Variants in AFF3 observed in about 807,000 individuals in gnomAD.
AFF3 encodes ALF transcription elongation factor 3.
AFF3 carries 32 observed loss-of-function variants against 129.7 expected under a neutral mutation model. The ratio of observed to expected loss-of-function variants is 0.25; its 90% CI spans 0.19 to 0.33. The LOEUF is 0.33. Among genes scored for constraint, AFF3 ranks in the 10% least tolerant of loss-of-function variants. The probability of loss-of-function intolerance (pLI) is 1.00; values close to 1 mark genes in which losing one functional copy is unlikely to be tolerated. For synonymous variants in AFF3, 644 were observed against 635.4 expected (o/e 1.01, Z -0.20); for missense variants, 1,373 against 1,592.0 (o/e 0.86, Z 2.34).
chr2:99,575,979 G>T (rs1485707480), intron 18 of AFF3, among the ~76,000 whole-genome samples: 1 of 152,112 alleles, frequency 6.6e-6, no homozygotes, highest in Non-Finnish European at 1.5e-5. Flanking sequence ...GGAGGCTGGG[G>T]TGGGAGGGTT....
chr2:100,118,458 C>G (rs1691813393), intron 2 of AFF3, among the ~76,000 whole-genome samples: 1 of 152,102 alleles, frequency 6.6e-6, no homozygotes, highest in Admixed American at 6.5e-5. Context: ...GGTTATAGCT[C>G]CATTGTTGAT....
intron 4 of AFF3, among the ~76,000 whole-genome samples, chr2:100,041,562 T>C (rs1022256600): frequency 2.0e-5 from 3 of 152,118 alleles, no homozygotes; most frequent in Admixed American, 1.3e-4. Flanking sequence ...TTCCTAGTCA[T>C]TAAATCCAGG....
chr2:99,645,116 C>G (rs888940279), intron 13 of AFF3, among the ~76,000 whole-genome samples: 19 of 152,210 alleles, frequency 1.2e-4, no homozygotes, highest in African/African-American at 4.6e-4. Flanking sequence ...AGGCAGATCA[C>G]TTGAGCCCAG....
chr2:99,621,067 G>A (rs1486405458), intron 13 of AFF3, among the ~76,000 whole-genome samples: 3 of 152,118 alleles, frequency 2.0e-5, no homozygotes, highest in African/African-American at 4.8e-5. Context: ...TTAACACACC[G>A]TTTTTTAAAT....
chr2:100,055,756 ACAT>A (rs1459454864), intron 4 of AFF3, among the ~76,000 whole-genome samples: 1 of 152,188 alleles, frequency 6.6e-6, no homozygotes, highest in Admixed American at 6.5e-5. Context: ...CTTAAACAAT[ACAT>A]AATAAACAAA....
chr2:99,749,374 A>C (rs1461998520), intron 9 of AFF3, among the ~76,000 whole-genome samples: 2 of 152,262 alleles, frequency 1.3e-5, no homozygotes, highest in Non-Finnish European at 2.9e-5. Context: ...CTTGCACTTA[A>C]GCATCTACAT....
At chr2:99,762,307 T>C (rs968439628) in intron 8 of AFF3, among the ~76,000 whole-genome samples, 3 of 152,054 alleles carry the variant, frequency 2.0e-5, no homozygotes, top group African/African-American at 7.2e-5. Context: ...TATTTTTTAG[T>C]AGAGACGGGG....
chr2:100,052,285 T>C (rs1445329401), intron 4 of AFF3, among the ~76,000 whole-genome samples: 6 of 152,236 alleles, frequency 3.9e-5, no homozygotes, highest in Non-Finnish European at 7.3e-5. Context: ...TTAAGATTTC[T>C]ATTTGTGTTT....
chr2:99,986,029 T>C (rs1031803908), intron 7 of AFF3, among the ~76,000 whole-genome samples: 3 of 151,638 alleles, frequency 2.0e-5, no homozygotes, highest in Non-Finnish European at 4.4e-5. Flanking sequence ...TGAAACCCCG[T>C]CTCTGCTAAA....
intron 11 of AFF3, among the ~76,000 whole-genome samples, chr2:99,719,371 G>A (rs979230166): frequency 6.6e-6 from 1 of 152,080 alleles, no homozygotes; most frequent in African/African-American, 2.4e-5. Context: ...AATAATTTTT[G>A]CATCAGTGTT....
intron 7 of AFF3, among the ~76,000 whole-genome samples, chr2:99,856,184 A>G (rs1690509943): frequency 6.6e-6 from 1 of 152,250 alleles, no homozygotes; most frequent in Admixed American, 6.5e-5. Context: ...AAATCTGAAT[A>G]AAATATTGAC....
intron 20 of AFF3, among the ~76,000 whole-genome samples, chr2:99,561,315 T>C (rs1216236383): frequency 6.6e-6 from 1 of 152,256 alleles, no homozygotes; most frequent in Non-Finnish European, 1.5e-5. Context: ...AAACATACTG[T>C]TATCATCGCA....
At chr2:99,646,949 A>T (rs1324220849) in intron 13 of AFF3, among the ~76,000 whole-genome samples, 1 of 152,220 alleles carries the variant, frequency 6.6e-6, no homozygotes, top group African/African-American at 2.4e-5. Flanking sequence ...CTGAATTAGT[A>T]GAGAATAGAC....
At chr2:99,966,246 C>CT (rs929934826) in intron 7 of AFF3, among the ~76,000 whole-genome samples, 210 of 152,112 alleles carry the variant, frequency 1.4e-3, no homozygotes, top group African/African-American at 4.8e-3. Context: ...TAGGTTTGTA[C>CT]TTAAAGATAA....
At chr2:100,106,737 T>A (rs940183273) in intron 2 of AFF3, 2 of 985,738 alleles carry the variant, frequency 2.0e-6, no homozygotes, top group African/African-American at 3.5e-5. Flanking sequence ...TCCCACCACA[T>A]CTGTTTATAC....
At chr2:99,601,046 C>T (rs1679778322) in intron 14 of AFF3, among the ~76,000 whole-genome samples, 1 of 152,182 alleles carries the variant, frequency 6.6e-6, no homozygotes, top group Non-Finnish European at 1.5e-5. Flanking sequence ...ACCCCTTTCC[C>T]TGTGATTTAT....
chr2:100,017,405 C>A (rs1683224722), intron 4 of AFF3, among the ~76,000 whole-genome samples: 1 of 152,140 alleles, frequency 6.6e-6, no homozygotes, highest in Non-Finnish European at 1.5e-5. Context: ...AATCTTAATT[C>A]AATCTTGAAA....
intron 7 of AFF3, among the ~76,000 whole-genome samples, chr2:100,000,127 AAC>A (rs1681245658): frequency 6.6e-6 from 1 of 152,158 alleles, no homozygotes; most frequent in Non-Finnish European, 1.5e-5. Context: ...AGCCCAATTA[AAC>A]ACACTATTTA....
intron 4 of AFF3, among the ~76,000 whole-genome samples, chr2:100,090,920 C>T (rs1689802802): frequency 6.6e-6 from 1 of 152,186 alleles, no homozygotes; most frequent in Non-Finnish European, 1.5e-5. Flanking sequence ...GAACTCCTGA[C>T]CTCAGGTGAT....
Sources: allele counts gnomAD v4.1 joint callset (sites outside exome capture counted in the v4.1 genomes callset), GRCh38; gene constraint gnomAD v4.1.1; transcripts MANE v1.5; gene names NCBI Gene and HGNC (gene_info 2026-07-23, HGNC 2026-07-21).